TMEM200A: variants seen among roughly 807,000 people sequenced by gnomAD.
TMEM200A encodes the protein two transmembrane C.
A neutral mutation model predicts 24.3 loss-of-function variants in TMEM200A; 12 were observed. That is an observed-to-expected ratio of 0.49 (90% CI 0.32 to 0.80). TMEM200A has a LOEUF of 0.80. Among genes scored for constraint, TMEM200A ranks in the 30% least tolerant of loss-of-function variants. TMEM200A has a pLI of 0.04. For missense variants in TMEM200A, 545 were observed against 614.4 expected, an observed-to-expected ratio of 0.89 and a Z score of 1.19; for synonymous variants, 224 against 224.4, an observed-to-expected ratio of 1.00 and a Z score of 0.02.
intron 2 of TMEM200A, among the ~76,000 whole-genome samples, chr6:130,432,151 C>A (rs1779892296): frequency 6.6e-6 from 1 of 152,132 alleles, no homozygotes; most frequent in South Asian, 2.1e-4. Context: ...TCCCCATATG[C>A]CCAGGCACCA....
rs1392887508 is a variant in TMEM200A, at chr6:130,416,377, G to A, written c.-16-24030G>A. On this transcript the variant is annotated intron_variant, in intron 2 of 2. Transcript: ENST00000296978. ...TGTCTATACATATAGTCAATTAACA[G>A]CAAGTCTCTAGGAATGTAAGAACCA... Among the ~76,000 whole-genome samples, 3 of 151,978 alleles carry A rather than the reference G, an allele frequency of 2.0e-5. No homozygotes were observed. In the East Asian group the frequency reaches 5.8e-4, roughly 29 times the overall value.
chr6:130,379,171 CA>C (rs1778537600), intron 1 of TMEM200A, among the ~76,000 whole-genome samples: 1 of 152,190 alleles, frequency 6.6e-6, no homozygotes, highest in Non-Finnish European at 1.5e-5. Flanking sequence ...GTTTGGAGGA[CA>C]CATTCAAACC....
intron 2 of TMEM200A, among the ~76,000 whole-genome samples, chr6:130,412,096 G>A (rs918588484): frequency 5.4e-5 from 7 of 129,298 alleles, no homozygotes; most frequent in Admixed American, 5.1e-4. Flanking sequence ...ACGTTTCCTT[G>A]GCTTTTTTTT....
chr6:130,381,510 A>C (rs893344164), intron 1 of TMEM200A, among the ~76,000 whole-genome samples: 1 of 152,218 alleles, frequency 6.6e-6, no homozygotes, highest in East Asian at 1.9e-4. Context: ...GGACACATAC[A>C]TCAGTTGAGA....
chr6:130,442,139 A>C lies in TMEM200A; in HGVS notation c.*241A>C. Reference sequence around the variant, plus strand: ...CTTTGAAAGCATGATCTCTTTTATTAATATGAATGCAAAATGCTTGCATCC... The same window carrying C: ...CTTTGAAAGCATGATCTCTTTTATTCATATGAATGCAAAATGCTTGCATCC... On this transcript the variant is annotated 3_prime_UTR_variant, in exon 3 of 3. Coordinates refer to ENST00000296978, the MANE Select transcript of TMEM200A (RefSeq NM_001258277.2). 2.7e-6 allele frequency: 1 copy of C among 367,146 alleles called. No homozygotes were observed. Among genetic ancestry groups the C allele is most frequent in the Non-Finnish European group, 5.1e-6 (1 of 196,346 alleles). The allele number at this position is 367,146 out of a possible 1,614,324, so 22.7% of individuals were successfully genotyped here.
At chr6:130,411,848 CATG>C (rs779839763) in intron 2 of TMEM200A, among the ~76,000 whole-genome samples, 120 of 152,168 alleles carry the variant, frequency 7.9e-4, no homozygotes, top group Non-Finnish European at 1.5e-3. Context: ...TGTAAAACTG[CATG>C]ATATTTTCCA....
intron 1 of TMEM200A, among the ~76,000 whole-genome samples, chr6:130,372,568 G>T (rs1276693117): frequency 1.3e-5 from 2 of 152,198 alleles, no homozygotes; most frequent in Non-Finnish European, 2.9e-5. Context: ...CATATAGAGA[G>T]GGAGAGAGGA....
chr6:130,389,218 A>C (rs1169464948), intron 2 of TMEM200A, among the ~76,000 whole-genome samples: 7 of 152,326 alleles, frequency 4.6e-5, no homozygotes, highest in African/African-American at 1.7e-4. Context: ...AAAATACTAA[A>C]TGTTTTTGGT....
At chr6:130,384,049 A>G (rs1239376261) in intron 1 of TMEM200A, among the ~76,000 whole-genome samples, 1 of 152,142 alleles carries the variant, frequency 6.6e-6, no homozygotes, top group Admixed American at 6.6e-5. Flanking sequence ...GAACCCAGGA[A>G]ATGGAGGTTG....
intron 2 of TMEM200A, among the ~76,000 whole-genome samples, chr6:130,412,323 G>A (rs1779351664): frequency 6.6e-6 from 1 of 151,888 alleles, no homozygotes; most frequent in Admixed American, 6.6e-5. Flanking sequence ...CATCCCTGCA[G>A]CCCTTGCCTC....
chr6:130,441,612 CCTTGGA>C lies in TMEM200A; in HGVS notation c.1194_1199del (p.Leu400_Asp401del). Reference sequence around the variant, plus strand: ...CATTTGCTCTCGTCACACTCAAAGTCCTTGGACTTAGACCGGGGTCCCTCCACTCTA... The same window carrying C: ...CATTTGCTCTCGTCACACTCAAAGTCCTTAGACCGGGGTCCCTCCACTCTA... On this transcript the variant is annotated inframe_deletion, in exon 3 of 3. Coordinates refer to ENST00000296978, the MANE Select transcript of TMEM200A (RefSeq NM_001258277.2). 1 of 1,614,074 alleles carries C rather than the reference CCTTGGA, an allele frequency of 6.2e-7. No individual in the cohort carries two copies. The highest frequency in any genetic ancestry group is 8.5e-7 in the Non-Finnish European group (1 of 1,180,010).
intron 2 of TMEM200A, among the ~76,000 whole-genome samples, chr6:130,410,053 A>C (rs1422011707): frequency 6.6e-6 from 1 of 152,210 alleles, no homozygotes; most frequent in Non-Finnish European, 1.5e-5. Flanking sequence ...TTTAAAATAA[A>C]ATGCTGGATT....
At chr6:130,388,514 T>A (rs1247704894) in intron 2 of TMEM200A, among the ~76,000 whole-genome samples, 3 of 152,234 alleles carry the variant, frequency 2.0e-5, no homozygotes, top group Admixed American at 1.3e-4. Context: ...GGATTCTCGC[T>A]TGTACATGTT....
chr6:130,380,058 C>G (rs1778558538), intron 1 of TMEM200A, among the ~76,000 whole-genome samples: 2 of 152,134 alleles, frequency 1.3e-5, no homozygotes, highest in Admixed American at 6.5e-5. Context: ...TATTTGGGTT[C>G]AGTTTCTTCA....
chr6:130,416,946 C>A (rs1779470532), intron 2 of TMEM200A, among the ~76,000 whole-genome samples: 1 of 152,112 alleles, frequency 6.6e-6, no homozygotes, highest in Admixed American at 6.6e-5. Context: ...ACATGCTAGT[C>A]TTCCCTTCCT....
intron 2 of TMEM200A, among the ~76,000 whole-genome samples, chr6:130,401,652 G>A (rs1218500360): frequency 6.6e-6 from 1 of 151,734 alleles, no homozygotes; most frequent in African/African-American, 2.4e-5. Context: ...ATGGTTATAT[G>A]CATTTTTAAA....
At chr6:130,377,677 C>G (rs1034188107) in intron 1 of TMEM200A, among the ~76,000 whole-genome samples, 1 of 152,162 alleles carries the variant, frequency 6.6e-6, no homozygotes, top group African/African-American at 2.4e-5. Flanking sequence ...CTCATTTATA[C>G]TTTTATTTAT....
chr6:130,413,728 T>G (rs941097546), intron 2 of TMEM200A, among the ~76,000 whole-genome samples: 3 of 152,212 alleles, frequency 2.0e-5, no homozygotes, highest in African/African-American at 7.2e-5. Context: ...TCAGATTGTG[T>G]CACAATCCAG....
At chr6:130,439,086 CAAAGTT>C (rs1562574665) in intron 2 of TMEM200A, 1 of 152,104 alleles carries the variant, frequency 6.6e-6, no homozygotes. Context: ...GAGTTAGAGA[CAAAGTT>C]AAAGTCAATG....
Sources: gnomAD v4.1 joint callset for allele counts (sites outside exome capture counted in the v4.1 genomes callset) on GRCh38, gnomAD v4.1.1 for gene constraint, MANE v1.5 for transcripts, NCBI Gene and HGNC (gene_info 2026-07-23, HGNC 2026-07-21) for gene names.